Variants in CTIF observed in about 807,000 individuals in gnomAD.
The protein encoded by CTIF is cap binding complex dependent translation initiation factor, also known as CBP80/20-dependent translation initiation factor.
A neutral mutation model predicts 66.0 loss-of-function variants in CTIF; 21 were observed. The observed-to-expected ratio is 0.32, with a 90% confidence interval of 0.23 to 0.46. The LOEUF (loss-of-function observed/expected upper bound fraction) is 0.46, where lower values mean the gene tolerates loss of function less well. Among genes scored for constraint, CTIF ranks in the 20% least tolerant of loss-of-function variants. The probability of loss-of-function intolerance (pLI) is 1.00; values close to 1 mark genes in which losing one functional copy is unlikely to be tolerated. For missense variants in CTIF, 739 were observed against 812.7 expected (o/e 0.91, Z 1.10); for synonymous variants, 345 against 326.4 (o/e 1.06, Z -0.62).
intron 1 of CTIF, among the ~76,000 whole-genome samples, chr18:48,569,488 A>G (rs547068570): frequency 6.6e-6 from 1 of 152,136 alleles, no homozygotes; most frequent in Admixed American, 6.5e-5. Context: ...CAAAAAAAAA[A>G]CTTGGGTTTC....
chr18:48,747,944 T>G (rs543852868), intron 7 of CTIF, among the ~76,000 whole-genome samples: 2 of 150,350 alleles, frequency 1.3e-5, no homozygotes, highest in Non-Finnish European at 1.5e-5. Context: ...TAATAATTAT[T>G]ATTATTATTA....
chr18:48,785,105 C>G (rs138558785), intron 9 of CTIF, among the ~76,000 whole-genome samples: 1 of 152,238 alleles, frequency 6.6e-6, no homozygotes, highest in African/African-American at 2.4e-5. Flanking sequence ...TTCCTACCAT[C>G]CCATCTTCCT....
intron 3 of CTIF, among the ~76,000 whole-genome samples, chr18:48,637,091 G>T (rs2090836946): frequency 6.6e-6 from 1 of 152,182 alleles, no homozygotes; most frequent in Non-Finnish European, 1.5e-5. Flanking sequence ...TTTTGATGCT[G>T]GTGGGTGCTT....
chr18:48,560,516 C>T (rs957589389), intron 1 of CTIF, among the ~76,000 whole-genome samples: 5 of 152,220 alleles, frequency 3.3e-5, no homozygotes, highest in East Asian at 1.9e-4. Context: ...TGAGCCACCA[C>T]GCCCGGCTTG....
intron 7 of CTIF, among the ~76,000 whole-genome samples, chr18:48,714,711 C>T (rs775531430): frequency 6.6e-6 from 1 of 152,208 alleles, no homozygotes; most frequent in Non-Finnish European, 1.5e-5. Context: ...AGGCTGTTAG[C>T]AAGCTGAATT....
At chr18:48,563,663 G>C (rs939981648) in intron 1 of CTIF, among the ~76,000 whole-genome samples, 2 of 152,228 alleles carry the variant, frequency 1.3e-5, no homozygotes, top group Non-Finnish European at 2.9e-5. Flanking sequence ...GTAGAGACAG[G>C]GTTTGGCCAT....
At chr18:48,768,375 A>G (rs1358508627) in intron 9 of CTIF, among the ~76,000 whole-genome samples, 1 of 152,160 alleles carries the variant, frequency 6.6e-6, no homozygotes, top group East Asian at 1.9e-4. Context: ...GCATGGAGCC[A>G]TCAGTCATGG....
chr18:48,657,691 A>T (rs2144838066), intron 3 of CTIF, among the ~76,000 whole-genome samples: 1 of 152,256 alleles, frequency 6.6e-6, no homozygotes, highest in Non-Finnish European at 1.5e-5. Context: ...AGAGCTGCAG[A>T]GAGGAAGAGT....
chr18:48,765,058 A>G (rs1909389518), intron 9 of CTIF, among the ~76,000 whole-genome samples: 2 of 152,230 alleles, frequency 1.3e-5, no homozygotes, highest in Admixed American at 6.5e-5. Flanking sequence ...TCTGGACAGC[A>G]TAATTCATGG....
rs1464961999 is a variant in CTIF at position 48,817,237 on chromosome 18, G to A, written c.1388G>A (p.Arg463His). Residue 463 changes from arginine to histidine, a missense_variant, in exon 10 of 12, where the codon CGC becomes CAC. Around this residue, in one of 2 missense-constraint regions of CTIF, gnomAD observed 210 missense variants for 292.3 expected, o/e 0.72. Coordinates refer to ENST00000256413, the MANE Select transcript of CTIF (RefSeq NM_014772.3). ...LNMLQKDFTV[R>H]EELQQQDVER... Reference sequence around the variant, plus strand: ...CCTCCACAGAAGGACTTCACGGTGCGCGAGGAGCTGCAGCAGCAGGACGTG... The same window carrying A: ...CCTCCACAGAAGGACTTCACGGTGCACGAGGAGCTGCAGCAGCAGGACGTG... The A allele has an allele frequency of 3.1e-6, 5 of 1,613,728 alleles. No individual in the cohort carries two copies. Among genetic ancestry groups the A allele is most frequent in the African/African-American group, 1.3e-5 (1 of 74,942 alleles).
intron 1 of CTIF, among the ~76,000 whole-genome samples, chr18:48,583,642 C>T (rs1043568891): frequency 3.3e-5 from 5 of 152,204 alleles, no homozygotes; most frequent in Non-Finnish European, 7.3e-5. Flanking sequence ...TTCTTCACTA[C>T]CCCGTCCTCC....
intron 7 of CTIF, among the ~76,000 whole-genome samples, chr18:48,735,675 C>T (rs768429892): frequency 5.9e-5 from 9 of 152,182 alleles, no homozygotes; most frequent in Non-Finnish European, 1.5e-5. Flanking sequence ...TCCCAGAGCC[C>T]AGTTCCTACC....
chr18:48,571,764 C>T (rs545128962), intron 1 of CTIF, among the ~76,000 whole-genome samples: 1 of 152,102 alleles, frequency 6.6e-6, no homozygotes, highest in South Asian at 2.1e-4. Flanking sequence ...ACTGTGTAGT[C>T]AAAGGCAAAT....
At chr18:48,812,695 A>G (rs1030715147) in intron 9 of CTIF, among the ~76,000 whole-genome samples, 1 of 151,502 alleles carries the variant, frequency 6.6e-6, no homozygotes, top group South Asian at 2.1e-4. Context: ...TCGAGGCTGC[A>G]GTGAGCCTTA....
intron 3 of CTIF, among the ~76,000 whole-genome samples, chr18:48,644,253 T>G (rs299729): frequency 0.14 from 20,572 of 152,188 alleles, 1,700 homozygotes; most frequent in African/African-American, 0.22. Context: ...TGAGGGCTGC[T>G]GTACTCCAGG....
chr18:48,553,366 A>G (rs1302189436), intron 1 of CTIF, among the ~76,000 whole-genome samples: 1 of 152,210 alleles, frequency 6.6e-6, no homozygotes, highest in East Asian at 1.9e-4. Context: ...TGGAGGCCCA[A>G]GTTGAGCCAA....
intron 3 of CTIF, among the ~76,000 whole-genome samples, chr18:48,656,424 G>A (rs2091248059): frequency 6.6e-6 from 1 of 152,212 alleles, no homozygotes; most frequent in Non-Finnish European, 1.5e-5. Flanking sequence ...TGTAGTAACA[G>A]TGCCACGCTT....
At chr18:48,742,174 A>T (rs2145753842) in intron 7 of CTIF, among the ~76,000 whole-genome samples, 1 of 152,358 alleles carries the variant, frequency 6.6e-6, no homozygotes, top group Middle Eastern at 3.4e-3. Flanking sequence ...GGCCAGGGTG[A>T]CCAGGACCGT....
Position 48,670,758 on chromosome 18 carries a change from C to T in CTIF, c.507+14C>T, listed in dbSNP as rs994673887. The T allele has an allele frequency of 6.2e-6, 10 of 1,612,150 alleles. No individual in the cohort carries two copies. The highest frequency in any genetic ancestry group is 1.7e-4 in the Middle Eastern group (1 of 5,966). On this transcript the variant is annotated intron_variant, in intron 6 of 11. Transcript: ENST00000256413. Reference sequence around the variant, plus strand: ...CCAGCCTGGCAGGTAGGTGCAGGGGCAGGCTCTCTAACAGCCCACCCCCAC... The same window carrying T: ...CCAGCCTGGCAGGTAGGTGCAGGGGTAGGCTCTCTAACAGCCCACCCCCAC...
Sources: allele counts gnomAD v4.1 joint callset (sites outside exome capture counted in the v4.1 genomes callset), GRCh38; gene constraint gnomAD v4.1.1; regional missense constraint gnomAD v4.1.1; transcripts MANE v1.5; gene names NCBI Gene and HGNC (gene_info 2026-07-23, HGNC 2026-07-21).